The following TRHDE variants were observed in gnomAD, a reference collection of about 807,000 sequenced individuals.
TRHDE encodes the protein thyrotropin-releasing hormone-degrading ectoenzyme.
A neutral mutation model predicts 125.7 loss-of-function variants in TRHDE; 72 were observed. The ratio of observed to expected loss-of-function variants is 0.57; its 90% confidence interval spans 0.47 to 0.70. The LOEUF (loss-of-function observed/expected upper bound fraction) is 0.70, where lower values mean the gene tolerates loss of function less well. Ranked by LOEUF, TRHDE falls within the 30% of genes least tolerant of loss-of-function variation. The probability of loss-of-function intolerance (pLI) is 0.00; values close to 1 mark genes in which losing one functional copy is unlikely to be tolerated. For missense variants in TRHDE, 1,110 were observed against 1,327.1 expected, an observed-to-expected ratio of 0.84 and a Z score of 2.54; for synonymous variants, 509 against 509.1, an observed-to-expected ratio of 1.00 and a Z score of 0.00.
intron 18 of TRHDE, 120 bp downstream of exon 18, chr12:72,657,128 C>CCACACA (rs3217400): frequency 2.6e-5 from 16 of 620,674 alleles, no homozygotes; most frequent in Non-Finnish European, 4.0e-5. Flanking sequence ...CACACGCACA[C>CCACACA]CACACACACA....
At chr12:72,491,511 T>C (rs1319801099) in intron 5 of TRHDE, among the ~76,000 whole-genome samples, 1 of 151,972 alleles carries the variant, frequency 6.6e-6, no homozygotes, top group Non-Finnish European at 1.5e-5. Flanking sequence ...TTGTGTTCTA[T>C]CTTAGCATTT....
chr12:72,139,049 C>T (rs962124229), intron 2 of TRHDE, among the ~76,000 whole-genome samples: 2 of 152,300 alleles, frequency 1.3e-5, no homozygotes, highest in East Asian at 1.9e-4. Context: ...TGAGCATAGC[C>T]TCCCTAACTA....
chr12:72,568,506 G>A, intron 9 of TRHDE, 62 bp from the exon 10 acceptor site: 5 of 1,240,876 alleles, frequency 4.0e-6, no homozygotes, highest in Non-Finnish European at 5.8e-6. Context: ...CATGGGAAAT[G>A]TTTTTTGTTT....
chr12:72,403,509 C>T (rs10784969), intron 3 of TRHDE, among the ~76,000 whole-genome samples: 6 of 151,890 alleles, frequency 4.0e-5, no homozygotes, highest in South Asian at 2.1e-4. Context: ...ACATATTTTC[C>T]GTGAGGAAAC....
At chr12:72,278,309 T>C (rs1879565418) in intron 1 of TRHDE, among the ~76,000 whole-genome samples, 1 of 152,174 alleles carries the variant, frequency 6.6e-6, no homozygotes, top group African/African-American at 2.4e-5. Flanking sequence ...CATTAGTGTA[T>C]GTATACATTT....
chr12:72,223,057 A>G (rs907817243), intron 2 of TRHDE, among the ~76,000 whole-genome samples: 1 of 152,098 alleles, frequency 6.6e-6, no homozygotes, highest in African/African-American at 2.4e-5. Flanking sequence ...GTGTTGCTAT[A>G]CTGCCCAAAA....
At chr12:72,595,787 A>G (rs1871912889) in intron 12 of TRHDE, among the ~76,000 whole-genome samples, 1 of 152,108 alleles carries the variant, frequency 6.6e-6, no homozygotes, top group South Asian at 2.1e-4. Flanking sequence ...ATTAAATAAG[A>G]TATTATAATT....
intron 3 of TRHDE, among the ~76,000 whole-genome samples, chr12:72,389,187 G>T (rs1012368003): frequency 1.3e-5 from 2 of 152,042 alleles, no homozygotes; most frequent in Non-Finnish European, 1.5e-5. Flanking sequence ...TAAACAGGTG[G>T]GTGATCAGAT....
intron 2 of TRHDE, among the ~76,000 whole-genome samples, chr12:72,233,702 G>A (rs1289417670): frequency 6.6e-6 from 1 of 152,084 alleles, no homozygotes; most frequent in Non-Finnish European, 1.5e-5. Flanking sequence ...AGCATAAAAT[G>A]TTATAGTTTG....
chr12:72,364,889 T>C (rs527753700), intron 2 of TRHDE, among the ~76,000 whole-genome samples: 2 of 152,096 alleles, frequency 1.3e-5, no homozygotes, highest in Non-Finnish European at 2.9e-5. Context: ...AGGCGTAAAA[T>C]AGATAGCTTA....
intron 1 of TRHDE, among the ~76,000 whole-genome samples, chr12:72,103,880 T>C (rs1875123102): frequency 6.6e-6 from 1 of 152,154 alleles, no homozygotes; most frequent in African/African-American, 2.4e-5. Context: ...TGTCTCAGCA[T>C]TCTGCCTCTC....
chr12:72,543,696 T>C (rs929175592), intron 7 of TRHDE, among the ~76,000 whole-genome samples: 1 of 151,328 alleles, frequency 6.6e-6, no homozygotes, highest in Non-Finnish European at 1.5e-5. Context: ...TCATTTTCTG[T>C]ATAAAATTCT....
chr12:72,598,483 G>T (rs1017116525), intron 12 of TRHDE, among the ~76,000 whole-genome samples: 10 of 152,124 alleles, frequency 6.6e-5, no homozygotes, highest in Admixed American at 6.5e-4. Flanking sequence ...TCAAAGTCCA[G>T]TATCTTCAAG....
At chr12:72,313,763 C>A (rs1004636948) in intron 2 of TRHDE, among the ~76,000 whole-genome samples, 1 of 152,156 alleles carries the variant, frequency 6.6e-6, no homozygotes, top group African/African-American at 2.4e-5. Context: ...AGGATGTTTG[C>A]ATAGTTGAGA....
At chr12:72,399,311 A>G (rs1872936939) in intron 3 of TRHDE, among the ~76,000 whole-genome samples, 1 of 152,204 alleles carries the variant, frequency 6.6e-6, no homozygotes, top group Non-Finnish European at 1.5e-5. Flanking sequence ...AGAAACTTAC[A>G]AACATTAGAT....
chr12:72,460,578 A>T (rs142938479), intron 3 of TRHDE, among the ~76,000 whole-genome samples: 150 of 152,338 alleles, frequency 9.8e-4, no homozygotes, highest in African/African-American at 3.3e-3. Flanking sequence ...TTTGGAATAA[A>T]TGAAAATACA....
intron 2 of TRHDE, among the ~76,000 whole-genome samples, chr12:72,232,157 A>ACC (rs1185534089): frequency 2.6e-5 from 4 of 152,206 alleles, no homozygotes; most frequent in Non-Finnish European, 5.9e-5. Flanking sequence ...ATGCAGGGCA[A>ACC]CATGGGAAGT....
At chr12:72,487,885 G>A (rs1000815072) in intron 5 of TRHDE, among the ~76,000 whole-genome samples, 10 of 152,056 alleles carry the variant, frequency 6.6e-5, no homozygotes, top group African/African-American at 2.4e-4. Flanking sequence ...CCTAAACTGT[G>A]GAGGGAGATG....
At chr12:72,494,055 C>A (rs1877801212) in intron 5 of TRHDE, among the ~76,000 whole-genome samples, 2 of 152,072 alleles carry the variant, frequency 1.3e-5, no homozygotes, top group African/African-American at 4.8e-5. Context: ...CCAGGCATAC[C>A]ATCTGAGATA....
Sources: gnomAD v4.1 joint callset for allele counts (sites outside exome capture counted in the v4.1 genomes callset) on GRCh38, gnomAD v4.1.1 for gene constraint, MANE v1.5 for transcripts, NCBI Gene and HGNC (gene_info 2026-07-23, HGNC 2026-07-21) for gene names.